The following ANKS1B variants were observed in gnomAD, a reference collection of about 807,000 sequenced individuals.
ANKS1B encodes the protein ankyrin repeat and sterile alpha motif domain-containing protein 1B.
Under a neutral mutation model 148.3 loss-of-function variants are expected in ANKS1B, and 36 were observed. The ratio of observed to expected loss-of-function variants is 0.24; its 90% CI spans 0.19 to 0.32. ANKS1B has a LOEUF of 0.32. Among genes scored for constraint, ANKS1B ranks in the 10% least tolerant of loss-of-function variants. The probability of loss-of-function intolerance (pLI) is 1.00; values close to 1 mark genes in which losing one functional copy is unlikely to be tolerated. For missense variants in ANKS1B, 1,157 were observed against 1,542.6 expected (o/e 0.75, Z 4.19); for synonymous variants, 542 against 560.8 (o/e 0.97, Z 0.47).
chr12:98,982,647 G>A (rs1319031182), intron 17 of ANKS1B, among the ~76,000 whole-genome samples: 1 of 152,050 alleles, frequency 6.6e-6, no homozygotes, highest in Non-Finnish European at 1.5e-5. Flanking sequence ...AATATAAATG[G>A]AATCATTTGC....
intron 17 of ANKS1B, among the ~76,000 whole-genome samples, chr12:98,886,439 G>C (rs1450206742): frequency 6.6e-6 from 1 of 152,100 alleles, no homozygotes; most frequent in Non-Finnish European, 1.5e-5. Flanking sequence ...TACCATGAAT[G>C]GAGATGAAAA....
chr12:99,401,033 TTTA>T (rs1355095641), intron 11 of ANKS1B, among the ~76,000 whole-genome samples: 9 of 144,976 alleles, frequency 6.2e-5, no homozygotes, highest in Admixed American at 6.2e-4. Flanking sequence ...CACAATATGA[TTTA>T]TTCTTTCACC....
chr12:99,395,524 T>C (rs2094215039), intron 12 of ANKS1B, among the ~76,000 whole-genome samples: 1 of 152,194 alleles, frequency 6.6e-6, no homozygotes, highest in Non-Finnish European at 1.5e-5. Context: ...TACTCTTTCC[T>C]TGTATCTCTT....
At chr12:98,780,560 G>A (rs886838019) in intron 24 of ANKS1B, among the ~76,000 whole-genome samples, 4 of 152,152 alleles carry the variant, frequency 2.6e-5, no homozygotes, top group Non-Finnish European at 4.4e-5. Context: ...TTCTGATTGT[G>A]TCTCTTAAGA....
chr12:98,891,874 T>C (rs950427655), intron 17 of ANKS1B, among the ~76,000 whole-genome samples: 2 of 152,196 alleles, frequency 1.3e-5, no homozygotes, highest in Non-Finnish European at 2.9e-5. Context: ...TATTCACACT[T>C]CTGTTAATTA....
At chr12:99,136,719 T>TTAAA (rs2068203420) in intron 15 of ANKS1B, among the ~76,000 whole-genome samples, 1 of 152,208 alleles carries the variant, frequency 6.6e-6, no homozygotes. Flanking sequence ...TTGAAAGTAT[T>TTAAA]TGCTTTTGGA....
In ANKS1B at chr12:98,825,658, T is replaced by A. The variant is rs142639598; in HGVS notation, c.3066+3516A>T. On this transcript the variant is annotated intron_variant, in intron 19 of 26. Coordinates refer to ENST00000683438, the MANE Select transcript of ANKS1B (RefSeq NM_001352186.2). ...GGCTTAACTTGCAGCATTTGGAAAC[T>A]TTTTTTTTTCTTGCATGAGTTTGGA... Among the ~76,000 whole-genome samples the A allele has an allele frequency of 5.3e-5, 8 of 150,526 alleles. No individual in the cohort carries two copies. In the East Asian group the frequency reaches 5.8e-4, roughly 11 times the overall value.
chr12:99,464,006 C>A (rs2096046365), intron 10 of ANKS1B, among the ~76,000 whole-genome samples: 1 of 152,276 alleles, frequency 6.6e-6, no homozygotes, highest in East Asian at 1.9e-4. Flanking sequence ...GTCCCTGACC[C>A]CTGACCCCCA....
At chr12:99,005,831 A>G (rs1030501210) in intron 17 of ANKS1B, among the ~76,000 whole-genome samples, 1 of 152,194 alleles carries the variant, frequency 6.6e-6, no homozygotes, top group African/African-American at 2.4e-5. Flanking sequence ...TCAAAAACAT[A>G]TGCTGATGAA....
intron 12 of ANKS1B, among the ~76,000 whole-genome samples, chr12:99,345,371 A>G (rs2090523760): frequency 6.6e-6 from 1 of 152,068 alleles, no homozygotes; most frequent in Admixed American, 6.6e-5. Flanking sequence ...AAAGGAAGAC[A>G]AAATAGTTTA....
At chr12:99,273,076 G>C (rs879252072) in intron 12 of ANKS1B, among the ~76,000 whole-genome samples, 1 of 152,180 alleles carries the variant, frequency 6.6e-6, no homozygotes, top group East Asian at 1.9e-4. Context: ...CTGGTCTGTA[G>C]ACATTCTGAA....
At chr12:99,947,554 T>A (rs2095099816) in intron 1 of ANKS1B, among the ~76,000 whole-genome samples, 1 of 152,184 alleles carries the variant, frequency 6.6e-6, no homozygotes, top group African/African-American at 2.4e-5. Flanking sequence ...AGAAGACCTA[T>A]ATATATAGGT....
Position 99,405,895 on chromosome 12 carries a change from G to C in ANKS1B, c.1576-6084C>G, listed in dbSNP as rs1486094748. 6.9e-5 allele frequency among the ~76,000 whole-genome samples: 10 copies of C among 145,242 alleles called. 2 individuals carry two copies. The highest frequency in any genetic ancestry group is 2.6e-4 in the African/African-American group (10 of 38,322). On this transcript the variant is annotated intron_variant, in intron 11 of 26. Transcript: ENST00000683438. ...AAAAAAGAGCAGTCGTAGCTATACT[G>C]ATATGACAAAATAGATTTCAAGAAA...
intron 17 of ANKS1B, chr12:98,895,094 G>T (rs563697871): frequency 4.2e-5 from 41 of 971,544 alleles, no homozygotes; most frequent in African/African-American, 4.1e-4. Context: ...GCGGCGAGGC[G>T]GGGGGGAGGT....
At chr12:99,154,984 A>G (rs750044770) in intron 14 of ANKS1B, 9 of 1,535,342 alleles carry the variant, frequency 5.9e-6, no homozygotes, top group African/African-American at 5.5e-5. Context: ...CCAAGCGTCA[A>G]TCTTGAATGA....
chr12:98,758,039 A>G (rs2098302656), intron 25 of ANKS1B, among the ~76,000 whole-genome samples: 1 of 152,122 alleles, frequency 6.6e-6, no homozygotes, highest in South Asian at 2.1e-4. Flanking sequence ...AAATGGGGAT[A>G]ATACCATACG....
At chr12:99,875,731 A>G (rs1435767183) in intron 1 of ANKS1B, among the ~76,000 whole-genome samples, 2 of 152,218 alleles carry the variant, frequency 1.3e-5, no homozygotes, top group African/African-American at 4.8e-5. Context: ...GGGCATCCAT[A>G]AAATTATAAT....
intron 14 of ANKS1B, among the ~76,000 whole-genome samples, chr12:99,180,876 C>A (rs1204567959): frequency 5.9e-5 from 9 of 151,838 alleles, no homozygotes; most frequent in African/African-American, 9.7e-5. Flanking sequence ...CTTTCTCCCC[C>A]AAAGCAAGCC....
chr12:99,418,810 G>T (rs897430811), intron 11 of ANKS1B, among the ~76,000 whole-genome samples: 1 of 152,026 alleles, frequency 6.6e-6, no homozygotes, highest in Non-Finnish European at 1.5e-5. Context: ...ATCAAGTTGA[G>T]AAAATTCCCC....
Sources: allele counts gnomAD v4.1 joint callset (sites outside exome capture counted in the v4.1 genomes callset), GRCh38; gene constraint gnomAD v4.1.1; transcripts MANE v1.5; gene names NCBI Gene and HGNC (gene_info 2026-07-23, HGNC 2026-07-21).